Variants in CHM observed in about 807,000 individuals in gnomAD.
CHM encodes the protein CHM Rab escort protein.
Under a neutral mutation model 49.0 loss-of-function variants are expected in CHM, and 10 were observed. The ratio of observed to expected loss-of-function variants is 0.20; its 90% CI spans 0.13 to 0.35. The LOEUF (loss-of-function observed/expected upper bound fraction) is 0.35. Among genes scored for constraint, CHM ranks in the 10% least tolerant of loss-of-function variants. The probability of loss-of-function intolerance (pLI) is 1.00; values close to 1 mark genes in which losing one functional copy is unlikely to be tolerated. For missense variants in CHM, 455 were observed against 478.4 expected, an observed-to-expected ratio of 0.95 and a Z score of 0.46; for synonymous variants, 184 against 167.5, an observed-to-expected ratio of 1.10 and a Z score of -0.76.
At chrX:86,008,558 A>G (rs1437759267) in intron 2 of CHM, among the ~76,000 whole-genome samples, 1 of 112,068 alleles carries the variant, frequency 8.9e-6, no homozygotes, top group Admixed American at 9.5e-5. Context: ...TAAAATATGA[A>G]TCATTATTTA....
chrX:85,972,267 C>T (rs925713963), intron 4 of CHM, among the ~76,000 whole-genome samples: 49 of 113,387 alleles, frequency 4.3e-4, no homozygotes, highest in African/African-American at 1.5e-3. Flanking sequence ...TCCACGTCCC[C>T]ACCAGACTCA....
chrX:85,966,374 A>G (rs1930586269), intron 4 of CHM, among the ~76,000 whole-genome samples: 1 of 109,963 alleles, frequency 9.1e-6, no homozygotes, highest in African/African-American at 3.3e-5. Context: ...AAACTACTCA[A>G]AAATAAGATA....
At chrX:85,931,255 G>T (rs764908052) in intron 8 of CHM, among the ~76,000 whole-genome samples, 53 of 110,763 alleles carry the variant, frequency 4.8e-4, no homozygotes, top group African/African-American at 1.4e-3. Context: ...GGAAAAAACG[G>T]TCAACTTGCT....
intron 8 of CHM, among the ~76,000 whole-genome samples, chrX:85,948,674 T>C (rs951897963): frequency 1.8e-5 from 2 of 111,595 alleles, no homozygotes; most frequent in Non-Finnish European, 3.8e-5. Flanking sequence ...GATGAGAACA[T>C]GCTGTAACTG....
intron 12 of CHM, among the ~76,000 whole-genome samples, chrX:85,885,864 T>C (rs1220531147): frequency 1.8e-5 from 2 of 111,699 alleles, no homozygotes; most frequent in Non-Finnish European, 3.8e-5. Context: ...TATAGATGTG[T>C]TTGTCCACTT....
At chrX:85,944,232 T>A (rs1292139565) in intron 8 of CHM, among the ~76,000 whole-genome samples, 1 of 112,135 alleles carries the variant, frequency 8.9e-6, no homozygotes, top group Non-Finnish European at 1.9e-5. Flanking sequence ...ACACAATGGT[T>A]ATCATAGAAT....
At chrX:85,938,023 G>A (rs1401835829) in intron 8 of CHM, among the ~76,000 whole-genome samples, 4 of 111,658 alleles carry the variant, frequency 3.6e-5, no homozygotes, top group Non-Finnish European at 7.5e-5. Flanking sequence ...TCCCAAATGG[G>A]AAATATTTTT....
intron 8 of CHM, among the ~76,000 whole-genome samples, chrX:85,932,364 AG>A (rs1157838689): frequency 5.3e-5 from 6 of 112,437 alleles, no homozygotes; most frequent in African/African-American, 1.9e-4. Context: ...TGTGTTTATT[AG>A]GGCCTTAAAA....
intron 2 of CHM, chrX:86,027,231 A>T: frequency 5.8e-6 from 2 of 342,373 alleles, no homozygotes; most frequent in South Asian, 8.1e-5. Context: ...ATTTTAAACA[A>T]AATCACTCAT....
chrX:86,027,334 G>A (rs1209613781), intron 2 of CHM, 157 bp downstream of exon 2: 3 of 478,371 alleles, frequency 6.3e-6, no homozygotes, highest in East Asian at 3.8e-5. Flanking sequence ...ACATATTAGT[G>A]GTTAAAATTA....
chrX:85,942,424 A>G (rs1384037213), intron 8 of CHM, among the ~76,000 whole-genome samples: 2 of 111,238 alleles, frequency 1.8e-5, no homozygotes, highest in East Asian at 5.7e-4. Flanking sequence ...CCTTGTTTTT[A>G]AGTCATGGAT....
intron 2 of CHM, among the ~76,000 whole-genome samples, chrX:85,997,523 G>A (rs904980439): frequency 1.8e-5 from 2 of 111,207 alleles, no homozygotes; most frequent in East Asian, 2.8e-4. Flanking sequence ...GTAGGAAAAC[G>A]GATGCCAATA....
intron 9 of CHM, among the ~76,000 whole-genome samples, chrX:85,905,721 T>C (rs1485395971): frequency 1.5e-4 from 17 of 111,113 alleles, no homozygotes; most frequent in Non-Finnish European, 1.3e-4. Flanking sequence ...CAAAGGCAAG[T>C]AAGAGAACAG....
At chrX:85,875,333 T>C (rs1924345298) in intron 13 of CHM, among the ~76,000 whole-genome samples, 1 of 111,740 alleles carries the variant, frequency 8.9e-6, no homozygotes, top group Non-Finnish European at 1.9e-5. Context: ...TGGCTAGGAG[T>C]GCATCACAAG....
At chrX:85,982,397 A>T (rs751052053) in intron 2 of CHM, among the ~76,000 whole-genome samples, 13 of 112,031 alleles carry the variant, frequency 1.2e-4, no homozygotes, top group African/African-American at 4.2e-4. Flanking sequence ...ACTGGGAAAC[A>T]GTTATTCACA....
intron 2 of CHM, among the ~76,000 whole-genome samples, chrX:86,026,097 A>ATTTTTTTTTTTT (rs1398285252): frequency 6.6e-5 from 2 of 30,477 alleles, no homozygotes; most frequent in Non-Finnish European, 1.4e-4. Context: ...AAGGTAGCAG[A>ATTTTTTTTTTTT]TTTTCTTTTT....
At chrX:86,005,338 A>G (rs1030737285) in intron 2 of CHM, among the ~76,000 whole-genome samples, 2 of 111,777 alleles carry the variant, frequency 1.8e-5, no homozygotes, top group Admixed American at 1.9e-4. Context: ...ACACCCTAAC[A>G]TCACAATTTA....
At chrX:86,019,129 T>A (rs1013747002) in intron 2 of CHM, among the ~76,000 whole-genome samples, 12 of 111,893 alleles carry the variant, frequency 1.1e-4, no homozygotes, top group African/African-American at 3.9e-4. Context: ...CTTGAACTTT[T>A]TTACTTTGTG....
Position 85,956,228 on chromosome X carries a change from C to G in CHM, c.1091G>C (p.Cys364Ser). ...GLKATKNFLH[C>S]LGRYGNTPFL... ...TGGAGTGTTGCCATACCGCCCAAGA[C>G]AGTGAAGAAAGTTTTTGGTAGCTTT... is the stretch of plus-strand genomic sequence containing the variant. The change falls in exon 8 of 15, where the codon TGT becomes TCT. Residue 364 changes from cysteine (C) to serine (S), a missense_variant. Cys to Ser is a moderately radical substitution (Grantham distance 112). Coordinates refer to ENST00000357749, the MANE Select transcript of CHM (RefSeq NM_000390.4). 2 of 1,211,351 alleles carry G rather than the reference C, an allele frequency of 1.7e-6. No homozygotes were observed. Among genetic ancestry groups the G allele is most frequent in the Non-Finnish European group, 2.2e-6 (2 of 895,403 alleles).
Sources: allele counts gnomAD v4.1 joint callset (sites outside exome capture counted in the v4.1 genomes callset), GRCh38; gene constraint gnomAD v4.1.1; transcripts MANE v1.5; gene names NCBI Gene and HGNC (gene_info 2026-07-23, HGNC 2026-07-21).